The following IGSF9B variants were observed in gnomAD, a reference collection of about 807,000 sequenced individuals.
IGSF9B encodes immunoglobulin superfamily member 9B, also known as protein turtle homolog B.
In IGSF9B, 48 loss-of-function variants were observed where a neutral mutation model predicts 143.7. That is an observed-to-expected ratio of 0.33 (90% CI 0.26 to 0.42). IGSF9B has a LOEUF of 0.42. Among genes scored for constraint, IGSF9B ranks in the 20% least tolerant of loss-of-function variants. The probability of loss-of-function intolerance (pLI) is 1.00; values close to 1 mark genes in which losing one functional copy is unlikely to be tolerated. For missense variants in IGSF9B, 1,706 were observed against 1,980.0 expected (o/e 0.86, Z 2.63); for synonymous variants, 903 against 833.1 (o/e 1.08, Z -1.44).
intron 1 of IGSF9B, among the ~76,000 whole-genome samples, chr11:133,949,143 A>G (rs1227299464): frequency 6.6e-6 from 1 of 152,098 alleles, no homozygotes; most frequent in African/African-American, 2.4e-5. Context: ...AACCAGGGAG[A>G]GGCAGCTGCA....
rs1269966231 is a variant in IGSF9B at position 133,905,269 on chromosome 11, T to G, written c.*3800A>C. 6.6e-6 allele frequency among the ~76,000 whole-genome samples: 1 copy of G among 152,076 alleles called. No individual in the cohort carries two copies. Among genetic ancestry groups the G allele is most frequent in the Admixed American group, 6.6e-5 (1 of 15,254 alleles). On this transcript the variant is annotated 3_prime_UTR_variant, in exon 20 of 20. Transcript: ENST00000533871. The surrounding 1 kb of genome is among the most constrained non-coding windows in gnomAD (Gnocchi z 4.0). ...CACCCCCAAGCCTGGAAAAGGCTTT[T>G]GCTAACAAAATAGGAAGAAACAGAT... is the stretch of plus-strand genomic sequence containing the variant.
chr11:133,920,844 A>AGGGCCGGGGGGCAGG lies in IGSF9B; in HGVS notation c.2866_2880dup (p.Pro956_Pro960dup). The AGGGCCGGGGGGCAGG allele has an allele frequency of 6.3e-7, 1 of 1,598,720 alleles. No homozygotes were observed. The highest frequency in any genetic ancestry group is 8.5e-7 in the Non-Finnish European group (1 of 1,171,784). ...TACCCATAATACTGGCCATGGTGGA[A>AGGGCCGGGGGGCAGG]GGGCCGGGGGGCAGGGGGCCGGGCC... is the stretch of plus-strand genomic sequence containing the variant. On this transcript the variant is annotated inframe_insertion, in exon 18 of 20. Coordinates refer to ENST00000533871, the MANE Select transcript of IGSF9B (RefSeq NM_001277285.4).
intron 1 of IGSF9B, among the ~76,000 whole-genome samples, chr11:133,955,391 C>G (rs746639483): frequency 3.3e-5 from 5 of 152,366 alleles, no homozygotes; most frequent in Non-Finnish European, 7.3e-5. Flanking sequence ...CACCACCCCC[C>G]TCAGAAGCAG....
At chr11:133,910,642 G>A (rs1471026464) in intron 19 of IGSF9B, among the ~76,000 whole-genome samples, 1 of 152,074 alleles carries the variant, frequency 6.6e-6, no homozygotes, top group Non-Finnish European at 1.5e-5. Context: ...CCAAGTGCAC[G>A]TTCAGCTGGC....
chr11:133,949,944 A>G (rs1410186455), intron 1 of IGSF9B, among the ~76,000 whole-genome samples: 1 of 152,208 alleles, frequency 6.6e-6, no homozygotes, highest in Non-Finnish European at 1.5e-5. Context: ...GTAAATCTGT[A>G]TCTTGGGGGT....
chr11:133,911,028 C>T lies in IGSF9B; in HGVS notation c.4105+858G>A, dbSNP rs866732874. Among the ~76,000 whole-genome samples, 30 of 152,222 alleles carry T rather than the reference C, an allele frequency of 2.0e-4. 1 individual carries two copies. In the Middle Eastern group the frequency reaches 0.017, roughly 86 times the overall value. ...AAGTGATCACCGTCTCCCAGAGATT[C>T]ATGGGGCTTTGAATTTCTATATAAC... On this transcript the variant is annotated intron_variant, in intron 19 of 19. Coordinates refer to ENST00000533871, the MANE Select transcript of IGSF9B (RefSeq NM_001277285.4).
Position 133,907,558 on chromosome 11 carries a change from C to A in IGSF9B, c.*1511G>T. Among the ~76,000 whole-genome samples, 1 of 152,234 alleles carries A rather than the reference C, an allele frequency of 6.6e-6. No individual in the cohort carries two copies. The highest frequency in any genetic ancestry group is 1.9e-4 in the East Asian group (1 of 5,184). The stretch of plus-strand genomic sequence containing the variant: ...GGGGAGGGGCAGATCTCCCCTCCAC[C>A]CCGCCCTCGGGGCCTTCTGCCCTGC... On this transcript the variant is annotated 3_prime_UTR_variant, in exon 20 of 20. Transcript: ENST00000533871.
chr11:133,937,603 C>A, intron 4 of IGSF9B, 110 bp from the exon 5 acceptor site: 1 of 1,033,320 alleles, frequency 9.7e-7, no homozygotes, highest in Non-Finnish European at 1.4e-6. Context: ...ACCACAGGGA[C>A]AGATGCATCT....
chr11:133,925,279 AT>A (rs1939603927), intron 14 of IGSF9B, among the ~76,000 whole-genome samples: 1 of 152,200 alleles, frequency 6.6e-6, no homozygotes, highest in African/African-American at 2.4e-5. Flanking sequence ...CCAGCTAGAT[AT>A]CCAAGTTTAA....
intron 12 of IGSF9B, 136 bp from the exon 13 acceptor site, chr11:133,927,227 G>T (rs1195214608): frequency 4.2e-6 from 3 of 711,776 alleles, no homozygotes; most frequent in Non-Finnish European, 7.1e-6. Flanking sequence ...CAAGAAGAGG[G>T]CATGGCCCAG....
In IGSF9B at chr11:133,931,849, A is replaced by G. The variant is rs1939736737; in HGVS notation, c.1111-54T>C. On this transcript the variant is annotated intron_variant, in intron 8 of 19. Coordinates refer to ENST00000533871, the MANE Select transcript of IGSF9B (RefSeq NM_001277285.4). The surrounding 1 kb of genome is among the most constrained non-coding windows in gnomAD (Gnocchi z 7.7). The stretch of plus-strand genomic sequence containing the variant: ...ACGCTGGTCAGAGACTCCGCGCTCC[A>G]TCCCAGGCTGGGTCCCAGCTGGGCC... The G allele has an allele frequency of 3.1e-6, 5 of 1,593,478 alleles. No individual in the cohort carries two copies. In the South Asian group the frequency reaches 5.7e-5, roughly 18 times the overall value.
Position 133,946,041 on chromosome 11 carries a change from A to G in IGSF9B, c.262+20T>C. ...ACTCCAGCTGGGGAAGGTGCGGGAG[A>G]CCGGGTGCCCAGACCTTACCTGCAT... On this transcript the variant is annotated intron_variant, in intron 2 of 19. Transcript: ENST00000533871. 6.6e-7 allele frequency: 1 copy of G among 1,509,290 alleles called. No individual in the cohort carries two copies. The highest frequency in any genetic ancestry group is 8.9e-7 in the Non-Finnish European group (1 of 1,119,256). 93.5% of individuals were successfully genotyped at this position (1,509,290 alleles called of 1,614,324 possible). A position where few individuals can be genotyped will look rare whatever the true frequency, so the allele number is the denominator to read the frequency against.
chr11:133,914,520 A>C (rs1939347749), intron 18 of IGSF9B, among the ~76,000 whole-genome samples: 1 of 152,210 alleles, frequency 6.6e-6, no homozygotes, highest in Admixed American at 6.5e-5. Context: ...TGTATCGTCA[A>C]AGCAAAAATT....
chr11:133,899,419 A>T lies in IGSF9B; in HGVS notation c.*9650T>A, dbSNP rs1939079770. ...CCAACCTTACCTCATCTTGCTGAGC[A>T]GTGGAGCAGAAAGGTCACAGGTAGG... is the stretch of plus-strand genomic sequence containing the variant. On this transcript the variant is annotated 3_prime_UTR_variant, in exon 20 of 20. Transcript: ENST00000533871. 6.6e-6 allele frequency: 1 copy of T among 152,422 alleles called. No homozygotes were observed. The highest frequency in any genetic ancestry group is 1.5e-5 in the Non-Finnish European group (1 of 68,146). The allele number at this position is 152,422 out of a possible 1,614,324, so 9.4% of individuals were successfully genotyped here.
intron 7 of IGSF9B, among the ~76,000 whole-genome samples, chr11:133,934,770 G>C (rs989143075): frequency 6.6e-6 from 1 of 152,128 alleles, no homozygotes; most frequent in Non-Finnish European, 1.5e-5. Flanking sequence ...CACTGACCCC[G>C]GTCTTGTCTC....
chr11:133,937,887 T>C lies in IGSF9B; in HGVS notation c.484A>G (p.Thr162Ala). The change falls in exon 4 of 20, where the codon ACA becomes GCA. Residue 162 changes from threonine to alanine, a missense_variant. Around this residue, in one of 7 missense-constraint regions of IGSF9B, gnomAD observed 238 missense variants for 452.6 expected, o/e 0.53. Coordinates refer to ENST00000533871, the MANE Select transcript of IGSF9B (RefSeq NM_001277285.4). ...KEGGSITMTC[T>A]AFGNPKPIVT... ...ATGGGCTTGGGGTTCCCAAAAGCTG[T>C]GCAGGTCATGGTGATACTACCACCC... is the stretch of plus-strand genomic sequence containing the variant. The C allele has an allele frequency of 6.2e-7, 1 of 1,612,670 alleles. No individual in the cohort carries two copies. Among genetic ancestry groups the C allele is most frequent in the Admixed American group, 1.7e-5 (1 of 59,870 alleles).
At chr11:133,940,443 A>G (rs1939925547) in intron 3 of IGSF9B, among the ~76,000 whole-genome samples, 1 of 147,484 alleles carries the variant, frequency 6.8e-6, no homozygotes, top group Non-Finnish European at 1.5e-5. Flanking sequence ...CATCACATGC[A>G]AAAACACACC....
In IGSF9B at chr11:133,908,107, A is replaced by G. The variant is rs1434402552; in HGVS notation, c.*962T>C. On this transcript the variant is annotated 3_prime_UTR_variant, in exon 20 of 20. Coordinates refer to ENST00000533871, the MANE Select transcript of IGSF9B (RefSeq NM_001277285.4). ...GCTCCGCAGTGGGGAGACTTTGGCC[A>G]CAGAGCTCACGGCCTGGCTGGGCGG... 1.3e-5 allele frequency among the ~76,000 whole-genome samples: 2 copies of G among 152,206 alleles called. No individual in the cohort carries two copies. The highest frequency in any genetic ancestry group is 2.9e-5 in the Non-Finnish European group (2 of 68,030).
chr11:133,933,982 GT>G (rs35234689), intron 7 of IGSF9B, among the ~76,000 whole-genome samples: 3,894 of 145,414 alleles, frequency 0.027, 124 homozygotes, highest in African/African-American at 0.077. Context: ...GTATGGTAGA[GT>G]TTTTTTTTTT....
Sources: allele counts gnomAD v4.1 joint callset (sites outside exome capture counted in the v4.1 genomes callset), GRCh38; gene constraint gnomAD v4.1.1; regional missense constraint gnomAD v4.1.1; non-coding constraint Gnocchi (gnomAD v3.1); transcripts MANE v1.5; gene names NCBI Gene and HGNC (gene_info 2026-07-23, HGNC 2026-07-21).